Variants in BDH1 observed in about 807,000 individuals in gnomAD.
BDH1 encodes the protein D-beta-hydroxybutyrate dehydrogenase, mitochondrial.
Under a neutral mutation model 33.1 loss-of-function variants are expected in BDH1, and 30 were observed. That is an observed-to-expected ratio of 0.91 (90% CI 0.68 to 1.23). The LOEUF (loss-of-function observed/expected upper bound fraction) is 1.23. Ranked by LOEUF, BDH1 falls within the 50% of genes most tolerant of loss-of-function variation. The pLI is 0.00. For missense variants in BDH1, 443 were observed against 464.4 expected (o/e 0.95, Z 0.42); for synonymous variants, 190 against 183.6 (o/e 1.03, Z -0.28).
Position 197,540,486 on chromosome 3 carries a change from T to C in BDH1, c.83+5875A>G, listed in dbSNP as rs914136207. Among the ~76,000 whole-genome samples the C allele has an allele frequency of 2.0e-5, 3 of 151,580 alleles. No individual in the cohort carries two copies. In the East Asian group the frequency reaches 5.9e-4, roughly 30 times the overall value. On this transcript the variant is annotated intron_variant, in intron 3 of 7. Transcript: ENST00000392379. ...GAGTTCGAGACCAGCCTGGCCAACATGGTGAAACCCCATCTCTACTAAAAA... is the reference window on the plus strand; with the variant it reads ...GAGTTCGAGACCAGCCTGGCCAACACGGTGAAACCCCATCTCTACTAAAAA...
In BDH1 at chr3:197,548,155, T is replaced by G. The variant is rs528445559; in HGVS notation, c.-43-1669A>C. Among the ~76,000 whole-genome samples the G allele has an allele frequency of 7.4e-4, 113 of 152,316 alleles. 1 individual carries two copies. Among genetic ancestry groups the G allele is most frequent in the Admixed American group, 5.2e-3 (79 of 15,300 alleles). On this transcript the variant is annotated intron_variant, in intron 2 of 7. Coordinates refer to ENST00000392379, the MANE Select transcript of BDH1 (RefSeq NM_203314.3). ...GCAGTCTGGGGGTGGAAAGTCGGCC[T>G]GTGGCCACAAAAGAAGTTTCCATGG...
intron 7 of BDH1, among the ~76,000 whole-genome samples, 163 bp from the exon 8 acceptor site, chr3:197,512,527 G>A (rs187059624): frequency 3.3e-4 from 51 of 152,328 alleles, no homozygotes; most frequent in African/African-American, 1.2e-3. Flanking sequence ...CATCAGCATC[G>A]GCACCCCTGG....
chr3:197,513,329 A>G (rs533126715), intron 7 of BDH1, among the ~76,000 whole-genome samples: 1 of 148,972 alleles, frequency 6.7e-6, no homozygotes, highest in Non-Finnish European at 1.5e-5. Flanking sequence ...CGGGGAGGGC[A>G]CTCAGCCCAT....
At position 197,555,839 on chromosome 3, in the gene BDH1, A is replaced by G. The variant is rs6769884; in HGVS notation, c.-254T>C. On this transcript the variant is annotated 5_prime_UTR_variant, in exon 1 of 8. Transcript: ENST00000392379. ...AGGGCTCGCCGAGGCTCTCGCCTTC[A>G]CCCGGCGCCGCGCAGGTGCCCGCTC... 0.037 allele frequency: 5,680 copies of G among 152,260 alleles called. 334 individuals are homozygous for G. Among genetic ancestry groups the G allele is most frequent in the African/African-American group, 0.13 (5,217 of 41,518 alleles). 9.4% of individuals were successfully genotyped at this position (152,260 alleles called of 1,614,324 possible).
At chr3:197,536,298 C>A (rs1331066433) in intron 3 of BDH1, among the ~76,000 whole-genome samples, 2 of 152,030 alleles carry the variant, frequency 1.3e-5, no homozygotes, top group Non-Finnish European at 2.9e-5. Flanking sequence ...CTTTATTTTT[C>A]TTCTTCAAAA....
intron 1 of BDH1, among the ~76,000 whole-genome samples, chr3:197,571,993 C>T (rs1717624340): frequency 6.6e-6 from 1 of 152,156 alleles, no homozygotes; most frequent in African/African-American, 2.4e-5. Context: ...TCAGCACTGA[C>T]TGAGTGGTTA....
At chr3:197,538,511 C>A (rs989117695) in intron 3 of BDH1, 16 of 379,800 alleles carry the variant, frequency 4.2e-5, no homozygotes, top group Non-Finnish European at 7.3e-5. Flanking sequence ...ATCACCACAC[C>A]TGGCCAATTT....
At chr3:197,513,886 C>A (rs140022825) in intron 7 of BDH1, among the ~76,000 whole-genome samples, 3 of 152,140 alleles carry the variant, frequency 2.0e-5, no homozygotes, top group Non-Finnish European at 4.4e-5. Flanking sequence ...TTTTAAACTA[C>A]GATATAAATA....
intron 3 of BDH1, chr3:197,538,334 A>C: frequency 2.2e-6 from 1 of 456,110 alleles, no homozygotes; most frequent in South Asian, 1.5e-5. Context: ...GACGCCATTC[A>C]AATTTTGTTT....
intron 2 of BDH1, among the ~76,000 whole-genome samples, 180 bp from the exon 3 acceptor site, chr3:197,546,666 GA>G (rs757692726): frequency 6.6e-5 from 10 of 152,144 alleles, no homozygotes; most frequent in Non-Finnish European, 1.3e-4. Flanking sequence ...CTTCACAATG[GA>G]AAGAGTCAGG....
chr3:197,527,846 T>C (rs2108734959), intron 5 of BDH1, among the ~76,000 whole-genome samples: 1 of 152,098 alleles, frequency 6.6e-6, no homozygotes, highest in African/African-American at 2.4e-5. Flanking sequence ...TCTGTGACAC[T>C]CCCTCCCGCA....
intron 3 of BDH1, among the ~76,000 whole-genome samples, chr3:197,540,067 T>C (rs1302511260): frequency 6.6e-6 from 1 of 152,098 alleles, no homozygotes. Context: ...CACTTTTTTT[T>C]TTAGACAGCG....
Position 197,516,178 on chromosome 3 carries a change from G to C in BDH1, c.410-1762C>G, listed in dbSNP as rs1375680325. Reference sequence around the variant, plus strand: ...TTCTTTCACCTGCCCCCAGATACAAGTGGCCCCCAATGTCCTGGCCTAATC... The same window carrying C: ...TTCTTTCACCTGCCCCCAGATACAACTGGCCCCCAATGTCCTGGCCTAATC... On this transcript the variant is annotated intron_variant, in intron 6 of 7. Transcript: ENST00000392379. The surrounding 1 kb of genome is among the most constrained non-coding windows in gnomAD (Gnocchi z 4.2). Among the ~76,000 whole-genome samples the C allele has an allele frequency of 6.6e-6, 1 of 152,146 alleles. No individual in the cohort carries two copies. The highest frequency in any genetic ancestry group is 1.5e-5 in the Non-Finnish European group (1 of 68,024).
chr3:197,530,781 A>C (rs777846876), intron 5 of BDH1: 1 of 152,678 alleles, frequency 6.5e-6, no homozygotes, highest in African/African-American at 2.4e-5. Context: ...GTGAGGTCAT[A>C]CAACCTGATT....
intron 3 of BDH1, among the ~76,000 whole-genome samples, chr3:197,539,991 T>A (rs1157903085): frequency 6.6e-6 from 1 of 152,186 alleles, no homozygotes; most frequent in Non-Finnish European, 1.5e-5. Context: ...GTGAAGCCAT[T>A]GGGCAGTTAC....
chr3:197,564,110 A>G (rs891935482), intron 1 of BDH1, among the ~76,000 whole-genome samples: 1 of 151,670 alleles, frequency 6.6e-6, no homozygotes, highest in African/African-American at 2.4e-5. Flanking sequence ...AAAAAAAAAA[A>G]AAAAAAAGAC....
At chr3:197,533,582 G>A (rs768134217) in intron 3 of BDH1, 21 bp from the exon 4 acceptor site, 87 of 1,612,396 alleles carry the variant, frequency 5.4e-5, no homozygotes, top group Middle Eastern at 1.6e-4. Flanking sequence ...AAAGGAAGCC[G>A]TGAGTACAAG....
At chr3:197,512,408 A>G (rs1365317609) in intron 7 of BDH1, 44 bp from the exon 8 acceptor site, 1 of 1,545,136 alleles carries the variant, frequency 6.5e-7, no homozygotes, top group Admixed American at 1.8e-5. Context: ...TTACTGCCCT[A>G]TGACACAGCG....
intron 6 of BDH1, among the ~76,000 whole-genome samples, chr3:197,517,186 A>C (rs532707310): frequency 1.6e-4 from 24 of 146,860 alleles, no homozygotes; most frequent in Admixed American, 6.1e-4. Flanking sequence ...TCTTCACCCC[A>C]CCCCTCAGGC....
Sources: allele counts gnomAD v4.1 joint callset (sites outside exome capture counted in the v4.1 genomes callset), GRCh38; gene constraint gnomAD v4.1.1; non-coding constraint Gnocchi (gnomAD v3.1); transcripts MANE v1.5; gene names NCBI Gene and HGNC (gene_info 2026-07-23, HGNC 2026-07-21).